Variants in SLC35E2B observed in about 807,000 individuals in gnomAD.
SLC35E2B encodes the protein solute carrier family 35 member E2B.
Under a neutral mutation model 32.4 loss-of-function variants are expected in SLC35E2B, and 18 were observed. The observed-to-expected ratio is 0.56, with a 90% CI of 0.38 to 0.82. SLC35E2B has a LOEUF of 0.82. Ranked by LOEUF, SLC35E2B falls within the 40% of genes least tolerant of loss-of-function variation. The pLI is 0.00. For missense variants in SLC35E2B, 263 were observed against 469.5 expected (o/e 0.56, Z 4.06); for synonymous variants, 132 against 209.1 (o/e 0.63, Z 3.18).
At chr1:1,679,972 A>G in intron 2 of SLC35E2B, among the ~76,000 whole-genome samples, 1 of 151,774 alleles carries the variant, frequency 6.6e-6, no homozygotes, top group South Asian at 2.1e-4. Context: ...CTCTACTAAA[A>G]ATACAAAATT....
Position 1,666,006 on chromosome 1 carries a change from C to T in SLC35E2B, c.994G>A (p.Val332Met), listed in dbSNP as rs1447125641. The T allele has an allele frequency of 1.0e-5, 16 of 1,550,824 alleles. No homozygotes were observed. In the East Asian group the frequency reaches 1.7e-4, roughly 17 times the overall value. The stretch of plus-strand genomic sequence containing the variant: ...AGCCAGATGGACAAGGCATGTTTCA[C>T]GGTGCTGGCGACGCTGCGGAGGCAA... ...SPVTFSVAST[V>M]KHALSIWLSV... Residue 332 changes from valine to methionine, a missense_variant, in exon 10 of 10, where the codon GTG becomes ATG. Transcript: ENST00000617444.
At chr1:1,686,972 C>A (rs1049245118) in intron 2 of SLC35E2B, among the ~76,000 whole-genome samples, 1 of 152,112 alleles carries the variant, frequency 6.6e-6, no homozygotes, top group South Asian at 2.1e-4. Flanking sequence ...AGGAGAAGGG[C>A]GAGAACCCAG....
At chr1:1,685,391 C>T (rs530909906) in intron 2 of SLC35E2B, among the ~76,000 whole-genome samples, 4 of 130,726 alleles carry the variant, frequency 3.1e-5, no homozygotes, top group African/African-American at 8.9e-5. Context: ...CCAGCCTGGG[C>T]GACACAGTGA....
intron 8 of SLC35E2B, among the ~76,000 whole-genome samples, chr1:1,668,681 CTAAT>C (rs1056953034): frequency 2.0e-5 from 3 of 152,112 alleles, no homozygotes; most frequent in Non-Finnish European, 4.4e-5. Flanking sequence ...ATTTTTTGCA[CTAAT>C]TAATTTTCAC....
chr1:1,677,709 A>C (rs1643865790), intron 2 of SLC35E2B, among the ~76,000 whole-genome samples: 1 of 149,600 alleles, frequency 6.7e-6, no homozygotes, highest in Non-Finnish European at 1.5e-5. Flanking sequence ...GATGGTCTCG[A>C]TCTCCTGACC....
Position 1,692,501 on chromosome 1 carries a change from T to C in SLC35E2B, c.-618A>G. ...GGCATAGCGCTAGGCCCCGGCGCCTTCACAACAAAGGGACGCTGGCGGGCG... is the reference window on the plus strand; with the variant it reads ...GGCATAGCGCTAGGCCCCGGCGCCTCCACAACAAAGGGACGCTGGCGGGCG... On this transcript the variant is annotated 5_prime_UTR_variant, in exon 1 of 10. Transcript: ENST00000617444. The C allele has an allele frequency of 1.0e-6, 1 of 985,130 alleles. No individual in the cohort carries two copies. The highest frequency in any genetic ancestry group is 1.2e-6 in the Non-Finnish European group (1 of 830,042). 61.0% of individuals were successfully genotyped at this position (985,130 alleles called of 1,614,324 possible). A position where few individuals can be genotyped will look rare whatever the true frequency, so the allele number is the denominator to read the frequency against.
Position 1,667,581 on chromosome 1 carries a change from C to G in SLC35E2B, c.980+746G>C, listed in dbSNP as rs566942423. Among the ~76,000 whole-genome samples, 137 of 152,238 alleles carry G rather than the reference C, an allele frequency of 9.0e-4. 1 individual carries two copies. Among genetic ancestry groups the G allele is most frequent in the African/African-American group, 3.1e-3 (128 of 41,546 alleles). On this transcript the variant is annotated intron_variant, in intron 9 of 9. Transcript: ENST00000617444. Reference sequence around the variant, plus strand: ...AGGTGTCTGTTCAAGTTCAAACTGACAGCAATCAGCTTGAATTCCTAATCT... The same window carrying G: ...AGGTGTCTGTTCAAGTTCAAACTGAGAGCAATCAGCTTGAATTCCTAATCT...
Position 1,663,084 on chromosome 1 carries a change from C to A in SLC35E2B, c.*2698G>T, listed in dbSNP as rs112067060. 1,887 of 958,836 alleles carry A rather than the reference C, an allele frequency of 2.0e-3. 31 individuals carry two copies. The African/African-American group carries it at 0.03, about 15-fold the overall frequency. The allele number at this position is 958,836 out of a possible 1,614,324, so 59.4% of individuals were successfully genotyped here. ...ACTGAGGGAGAGGGAGGGGACAGCA[C>A]GACTGAGCAAGGGCACAGTGCTGGC... On this transcript the variant is annotated 3_prime_UTR_variant, in exon 10 of 10. Transcript: ENST00000617444.
chr1:1,683,765 C>T (rs1377456031), intron 2 of SLC35E2B, among the ~76,000 whole-genome samples: 4 of 152,104 alleles, frequency 2.6e-5, no homozygotes, highest in African/African-American at 7.2e-5. Flanking sequence ...CAGGTGTGAT[C>T]AGCATAAGCT....
intron 8 of SLC35E2B, 58 bp downstream of exon 8, chr1:1,669,606 A>C: frequency 6.9e-7 from 1 of 1,457,810 alleles, no homozygotes; most frequent in South Asian, 1.3e-5. Flanking sequence ...TCTGCTCCTG[A>C]ATCACCGGAG....
intron 5 of SLC35E2B, chr1:1,671,853 A>T (rs1276394925): frequency 7.3e-6 from 3 of 412,972 alleles, no homozygotes; most frequent in Non-Finnish European, 1.3e-5. Flanking sequence ...ACTCTACATG[A>T]GATGCGTCCC....
chr1:1,669,914 G>T, intron 7 of SLC35E2B, 178 bp from the exon 8 acceptor site: 1 of 862,608 alleles, frequency 1.2e-6, no homozygotes, highest in Non-Finnish European at 1.9e-6. Context: ...CAGGCTGGCT[G>T]AGGGGCTCAA....
intron 7 of SLC35E2B, 21 bp downstream of exon 7, chr1:1,670,077 T>C (rs1480917514): frequency 5.8e-6 from 9 of 1,545,508 alleles, no homozygotes; most frequent in Admixed American, 2.0e-5. Flanking sequence ...CTTGGAGATT[T>C]CACTGACGAA....
chr1:1,686,398 G>A (rs895872371), intron 2 of SLC35E2B, among the ~76,000 whole-genome samples: 4 of 150,512 alleles, frequency 2.7e-5, no homozygotes, highest in Non-Finnish European at 2.9e-5. Flanking sequence ...TGTACATGAC[G>A]GGAGGCAGAT....
intron 8 of SLC35E2B, among the ~76,000 whole-genome samples, chr1:1,668,931 C>T (rs1300475745): frequency 2.7e-5 from 4 of 148,428 alleles, no homozygotes; most frequent in Non-Finnish European, 4.4e-5. Flanking sequence ...GCAGAGGTTG[C>T]AGTGAGCTGA....
intron 2 of SLC35E2B, among the ~76,000 whole-genome samples, chr1:1,679,067 C>T (rs570292870): frequency 1.6e-4 from 25 of 152,278 alleles, no homozygotes; most frequent in Admixed American, 3.9e-4. Flanking sequence ...CCTCCCACCT[C>T]GAAGGCTGCC....
rs2101083270 is a variant in SLC35E2B at position 1,661,600 on chromosome 1, T to TA, written c.*4181dup. On this transcript the variant is annotated 3_prime_UTR_variant, in exon 10 of 10. Transcript: ENST00000617444. ...CGGGATTAGTTACACGGTATCAACT[T>TA]ACCACCACAGCAGAATCAACAGTGA... 1 of 614,440 alleles carries TA rather than the reference T, an allele frequency of 1.6e-6. No homozygotes were observed. Among genetic ancestry groups the TA allele is most frequent in the East Asian group, 1.3e-4 (1 of 7,708 alleles). The allele number at this position is 614,440 out of a possible 1,614,324, so 38.1% of individuals were successfully genotyped here.
At chr1:1,682,515 G>A (rs1643908756) in intron 2 of SLC35E2B, among the ~76,000 whole-genome samples, 1 of 152,148 alleles carries the variant, frequency 6.6e-6, no homozygotes, top group Non-Finnish European at 1.5e-5. Flanking sequence ...AAGACTGAGG[G>A]ACGAATCACA....
chr1:1,674,592 G>A (rs533053842), intron 5 of SLC35E2B, among the ~76,000 whole-genome samples: 1 of 150,754 alleles, frequency 6.6e-6, no homozygotes, highest in Admixed American at 6.6e-5. Flanking sequence ...ACTGCAGCCT[G>A]GGCGACAGAG....
Sources: allele counts gnomAD v4.1 joint callset (sites outside exome capture counted in the v4.1 genomes callset), GRCh38; gene constraint gnomAD v4.1.1; transcripts MANE v1.5; gene names NCBI Gene and HGNC (gene_info 2026-07-23, HGNC 2026-07-21).